Variants in AFAP1 observed in about 807,000 individuals in gnomAD.
AFAP1 encodes actin filament associated protein 1.
AFAP1 carries 75 observed loss-of-function variants against 93.9 expected under a neutral mutation model. The observed-to-expected ratio is 0.80, with a 90% confidence interval of 0.66 to 0.97. The LOEUF (loss-of-function observed/expected upper bound fraction) is 0.97. Among genes scored for constraint, AFAP1 ranks in the 50% least tolerant of loss-of-function variants. AFAP1 has a pLI of 0.00. For missense variants in AFAP1, 1,201 were observed against 1,050.8 expected (o/e 1.14, Z -1.98); for synonymous variants, 517 against 430.7 (o/e 1.20, Z -2.48).
chr4:7,932,839 G>A (rs559419388), intron 1 of AFAP1, among the ~76,000 whole-genome samples: 1 of 152,198 alleles, frequency 6.6e-6, no homozygotes, highest in East Asian at 1.9e-4. Flanking sequence ...CGCCAACACA[G>A]TGAAACCCTG....
intron 5 of AFAP1, chr4:7,842,686 T>TAA (rs143770762): frequency 6.6e-5 from 9 of 136,346 alleles, no homozygotes; most frequent in Admixed American, 1.4e-4. Flanking sequence ...CTCTCAAATT[T>TAA]AAAAAAAAAA....
chr4:7,766,211 A>G (rs1205346130), intron 17 of AFAP1, among the ~76,000 whole-genome samples: 2 of 152,188 alleles, frequency 1.3e-5, no homozygotes, highest in Non-Finnish European at 2.9e-5. Context: ...GAGGATGGGT[A>G]GCTGGGTACG....
chr4:7,904,708 T>C (rs768039423), intron 1 of AFAP1, among the ~76,000 whole-genome samples: 2 of 152,014 alleles, frequency 1.3e-5, no homozygotes, highest in Non-Finnish European at 2.9e-5. Flanking sequence ...GTTTGTTTGT[T>C]TGTTTGTTTG....
chr4:7,811,013 T>C (rs1719976970), intron 8 of AFAP1, among the ~76,000 whole-genome samples: 1 of 152,030 alleles, frequency 6.6e-6, no homozygotes, highest in South Asian at 2.1e-4. Context: ...CAGAACCGAG[T>C]GACAAGATCC....
intron 14 of AFAP1, 42 bp downstream of exon 14, chr4:7,778,720 G>A: frequency 6.3e-7 from 1 of 1,581,222 alleles, no homozygotes; most frequent in Non-Finnish European, 8.7e-7. Flanking sequence ...TCCACCAAGT[G>A]CACTTGAAGC....
At chr4:7,927,927 G>T (rs1264203564) in intron 1 of AFAP1, among the ~76,000 whole-genome samples, 1 of 152,150 alleles carries the variant, frequency 6.6e-6, no homozygotes, top group Non-Finnish European at 1.5e-5. Flanking sequence ...TGATGGAATT[G>T]TTCTGTGAAA....
intron 17 of AFAP1, among the ~76,000 whole-genome samples, chr4:7,768,134 T>C (rs1714877850): frequency 6.6e-6 from 1 of 152,194 alleles, no homozygotes; most frequent in Non-Finnish European, 1.5e-5. Flanking sequence ...ACAGGAGGAC[T>C]CCCGTGTTCC....
chr4:7,796,620 G>A (rs1233120929), intron 10 of AFAP1, among the ~76,000 whole-genome samples: 3 of 151,428 alleles, frequency 2.0e-5, no homozygotes, highest in African/African-American at 4.9e-5. Context: ...GCATGGTGGC[G>A]GGCACCTGTA....
At position 7,809,712 on chromosome 4, in the gene AFAP1, A is replaced by T; in HGVS notation, c.956T>A (p.Val319Asp). The change falls in exon 9 of 18, where the codon GTC becomes GAC. Residue 319 changes from valine (V) to aspartate (D), a missense_variant. Physicochemically the swap from Val to Asp is radical, Grantham distance 152. Transcript: ENST00000420658. ...GATCTTGGTGATTTTTTTCCCAGTG[A>T]CTTTCGACACAGTGCCCTTGGCCTC... ...KSEAKGTVSK[V>D]TGKKITKIIS... 4 of 1,612,972 alleles carry T rather than the reference A, an allele frequency of 2.5e-6. No homozygotes were observed. The highest frequency in any genetic ancestry group is 2.5e-6 in the Non-Finnish European group (3 of 1,179,416).
intron 1 of AFAP1, among the ~76,000 whole-genome samples, chr4:7,936,136 T>C (rs890270719): frequency 6.6e-5 from 10 of 152,120 alleles, no homozygotes; most frequent in Admixed American, 5.2e-4. Context: ...TGTAATTCAG[T>C]AGCTCACGAC....
intron 1 of AFAP1, among the ~76,000 whole-genome samples, chr4:7,914,157 C>T (rs374723121): frequency 8.2e-4 from 124 of 151,962 alleles, no homozygotes; most frequent in African/African-American, 2.2e-3. Context: ...CAGGTTCAAG[C>T]GATTCTCCTG....
At chr4:7,812,712 G>A (rs553316486) in intron 8 of AFAP1, among the ~76,000 whole-genome samples, 4 of 152,294 alleles carry the variant, frequency 2.6e-5, no homozygotes, top group African/African-American at 7.2e-5. Context: ...GACTAACGCC[G>A]GGCATTCTCT....
At chr4:7,832,934 A>T (rs1287497943) in intron 6 of AFAP1, among the ~76,000 whole-genome samples, 3 of 152,216 alleles carry the variant, frequency 2.0e-5, no homozygotes, top group African/African-American at 7.2e-5. Context: ...TGGTGCTGGG[A>T]TAATTGGCTA....
At chr4:7,826,020 C>A (rs918917704) in intron 6 of AFAP1, among the ~76,000 whole-genome samples, 19 of 151,224 alleles carry the variant, frequency 1.3e-4, no homozygotes, top group African/African-American at 4.6e-4. Flanking sequence ...AAAAAACCTA[C>A]ATGAACTAAA....
chr4:7,915,393 C>CTT (rs1720033453), intron 1 of AFAP1, among the ~76,000 whole-genome samples: 1 of 152,032 alleles, frequency 6.6e-6, no homozygotes, highest in South Asian at 2.1e-4. Flanking sequence ...GTGACTCCAA[C>CTT]CTGTAAGCCC....
At chr4:7,791,811 C>T (rs577854875) in intron 11 of AFAP1, among the ~76,000 whole-genome samples, 2 of 150,832 alleles carry the variant, frequency 1.3e-5, no homozygotes, top group Middle Eastern at 3.4e-3. Context: ...CATAATTGTG[C>T]CACTGCACTC....
intron 1 of AFAP1, among the ~76,000 whole-genome samples, chr4:7,934,045 T>G (rs922224788): frequency 6.6e-6 from 1 of 152,174 alleles, no homozygotes; most frequent in Admixed American, 6.5e-5. Context: ...TTTCCTGATT[T>G]CCTTACATCC....
At chr4:7,788,273 C>G (rs570360483) in intron 11 of AFAP1, among the ~76,000 whole-genome samples, 19 of 152,350 alleles carry the variant, frequency 1.2e-4, no homozygotes, top group Admixed American at 5.9e-4. Flanking sequence ...GAAGAAAACA[C>G]AGCGTAAGTG....
At position 7,759,271 on chromosome 4, in the gene AFAP1, C is replaced by A. The variant is rs1465303962; in HGVS notation, c.*4494G>T. On this transcript the variant is annotated 3_prime_UTR_variant, in exon 18 of 18. Coordinates refer to ENST00000420658, the MANE Select transcript of AFAP1 (RefSeq NM_001134647.2). ...TTTGAAAGTATCTTCCATGGCTACA[C>A]TAAAAAGACCCGGTAACACTTGTGC... 2 of 152,598 alleles carry A rather than the reference C, an allele frequency of 1.3e-5. No homozygotes were observed. The highest frequency in any genetic ancestry group is 2.9e-5 in the Non-Finnish European group (2 of 68,030). 9.5% of individuals were successfully genotyped at this position (152,598 alleles called of 1,614,324 possible). A position where few individuals can be genotyped will look rare whatever the true frequency, so the allele number is the denominator to read the frequency against.
Sources: allele counts gnomAD v4.1 joint callset (sites outside exome capture counted in the v4.1 genomes callset), GRCh38; gene constraint gnomAD v4.1.1; transcripts MANE v1.5; gene names NCBI Gene and HGNC (gene_info 2026-07-23, HGNC 2026-07-21).